WDR25: variants seen among roughly 807,000 people sequenced by gnomAD.
The protein encoded by WDR25 is WD repeat-containing protein 25.
In WDR25, 35 loss-of-function variants were observed where a neutral mutation model predicts 47.7. The observed-to-expected ratio is 0.73, with a 90% CI of 0.56 to 0.97. The LOEUF (loss-of-function observed/expected upper bound fraction) is 0.97, where lower values mean the gene tolerates loss of function less well. Ranked by LOEUF, WDR25 falls within the 50% of genes least tolerant of loss-of-function variation. WDR25 has a pLI of 0.00. For missense variants in WDR25, 634 were observed against 704.7 expected, an observed-to-expected ratio of 0.90 and a Z score of 1.14; for synonymous variants, 248 against 278.9, an observed-to-expected ratio of 0.89 and a Z score of 1.10.
At chr14:100,496,219 C>A (rs773373071) in intron 4 of WDR25, among the ~76,000 whole-genome samples, 14 of 152,214 alleles carry the variant, frequency 9.2e-5, no homozygotes, top group Non-Finnish European at 1.8e-4. Context: ...TATATGTCTT[C>A]ATGAGTGAGA....
intron 4 of WDR25, among the ~76,000 whole-genome samples, chr14:100,492,598 T>C (rs1269540039): frequency 6.6e-6 from 1 of 152,266 alleles, no homozygotes; most frequent in Non-Finnish European, 1.5e-5. Flanking sequence ...TTCTAATTTA[T>C]AAATCTTCTA....
At chr14:100,415,361 G>A (rs184224741) in intron 2 of WDR25, among the ~76,000 whole-genome samples, 4 of 152,256 alleles carry the variant, frequency 2.6e-5, no homozygotes, top group African/African-American at 9.6e-5. Context: ...TATGTGTATG[G>A]GAGGTACGTA....
intron 3 of WDR25, among the ~76,000 whole-genome samples, chr14:100,478,177 A>T (rs1900082064): frequency 6.6e-6 from 1 of 152,254 alleles, no homozygotes; most frequent in Admixed American, 6.5e-5. Context: ...TTGTGAATTC[A>T]ATAATTTGGG....
In WDR25 at chr14:100,459,939, T is replaced by TATACAC. The variant is rs1491515673; in HGVS notation, c.823-8081_823-8080insTACACA. Among the ~76,000 whole-genome samples the TATACAC allele has an allele frequency of 4.7e-5, 4 of 84,896 alleles. No individual in the cohort carries two copies. The East Asian group carries it at 8.7e-4, about 18-fold the overall frequency. The allele number at this position is 84,896 out of a possible 152,430, so 55.7% of individuals were successfully genotyped here. ...ATATATATATATATATATATATATA[T>TATACAC]ACACATACACATACACACACATATA... is the stretch of plus-strand genomic sequence containing the variant. On this transcript the variant is annotated intron_variant, in intron 2 of 6. Coordinates refer to ENST00000402312, the MANE Select transcript of WDR25 (RefSeq NM_001161476.3).
chr14:100,466,944 C>T (rs1899650574), intron 2 of WDR25, among the ~76,000 whole-genome samples: 2 of 152,208 alleles, frequency 1.3e-5, no homozygotes, highest in South Asian at 4.1e-4. Flanking sequence ...GCTGGGAGAG[C>T]TGGTGGAAAG....
chr14:100,418,978 G>C (rs1377518892), intron 2 of WDR25, among the ~76,000 whole-genome samples: 1 of 152,118 alleles, frequency 6.6e-6, no homozygotes, highest in Non-Finnish European at 1.5e-5. Context: ...CTAGCACTTT[G>C]GGAGTCCAAG....
rs578036365 is a variant in WDR25, at chr14:100,398,790, A to G, written c.822+17044A>G. Among the ~76,000 whole-genome samples, 7 of 150,058 alleles carry G rather than the reference A, an allele frequency of 4.7e-5. No homozygotes were observed. In the South Asian group the frequency reaches 1.5e-3, roughly 32 times the overall value. ...TTTTTTGGGGGGTGGACTGGGCAGT[A>G]AGGAATGGACTGGAGCTTGTCCTGG... On this transcript the variant is annotated intron_variant, in intron 2 of 6. Coordinates refer to ENST00000402312, the MANE Select transcript of WDR25 (RefSeq NM_001161476.3).
Position 100,468,556 on chromosome 14 carries a change from T to C in WDR25, c.970+388T>C, listed in dbSNP as rs1186145664. On this transcript the variant is annotated intron_variant, in intron 3 of 6. Transcript: ENST00000402312. This position sits in a 1 kb window ranked among gnomAD's most constrained non-coding sequence, Gnocchi z 4.5. ...TCAATTCATTATCGTTGAAAGTCTG[T>C]GAGAAATGATTCCAGCTCATAAGGA... 6.6e-6 allele frequency among the ~76,000 whole-genome samples: 1 copy of C among 152,224 alleles called. No homozygotes were observed. The highest frequency in any genetic ancestry group is 1.5e-5 in the Non-Finnish European group (1 of 68,036).
At chr14:100,403,344 C>T (rs953376567) in intron 2 of WDR25, among the ~76,000 whole-genome samples, 22 of 152,162 alleles carry the variant, frequency 1.4e-4, no homozygotes, top group African/African-American at 4.8e-4. Flanking sequence ...GCTGCCTTTC[C>T]AACCAAAGCA....
At chr14:100,504,442 C>T (rs1901045523) in intron 4 of WDR25, 13 of 152,180 alleles carry the variant, frequency 8.5e-5, no homozygotes, top group Admixed American at 8.5e-4. Flanking sequence ...TAATTTAACA[C>T]ATTCCTCTGT....
At chr14:100,416,400 G>T (rs1034598208) in intron 2 of WDR25, among the ~76,000 whole-genome samples, 2 of 152,116 alleles carry the variant, frequency 1.3e-5, no homozygotes, top group Admixed American at 6.5e-5. Context: ...TACAATACAG[G>T]TTGCAGCCCA....
chr14:100,442,193 A>G (rs1464306992), intron 2 of WDR25, among the ~76,000 whole-genome samples: 3 of 152,108 alleles, frequency 2.0e-5, no homozygotes, highest in Admixed American at 1.3e-4. Flanking sequence ...TCCTGGATGG[A>G]CTGATGAATT....
chr14:100,445,432 A>G (rs999096104), intron 2 of WDR25, among the ~76,000 whole-genome samples: 7 of 148,722 alleles, frequency 4.7e-5, no homozygotes, highest in African/African-American at 1.0e-4. Context: ...TTTACTCCAC[A>G]ACTTCCAAAA....
rs989694951 is a variant in WDR25, at chr14:100,449,058, G to C, written c.823-18963G>C. Reference sequence around the variant, plus strand: ...AGATGAGGCTGGGCAGGTGAGTGGGGCCTCCGGAGTCAGCCACTGACTTTC... The same window carrying C: ...AGATGAGGCTGGGCAGGTGAGTGGGCCCTCCGGAGTCAGCCACTGACTTTC... On this transcript the variant is annotated intron_variant, in intron 2 of 6. Transcript: ENST00000402312. This position sits in a 1 kb window ranked among gnomAD's most constrained non-coding sequence, Gnocchi z 4.2. Among the ~76,000 whole-genome samples the C allele has an allele frequency of 2.6e-5, 4 of 152,246 alleles. No individual in the cohort carries two copies. The highest frequency in any genetic ancestry group is 5.9e-5 in the Non-Finnish European group (4 of 68,012).
rs1380049125 is a variant in WDR25, at chr14:100,498,849, G to A, written c.1101+14725G>A. Among the ~76,000 whole-genome samples, 1 of 152,216 alleles carries A rather than the reference G, an allele frequency of 6.6e-6. No individual in the cohort carries two copies. Among genetic ancestry groups the A allele is most frequent in the Non-Finnish European group, 1.5e-5 (1 of 68,044 alleles). On this transcript the variant is annotated intron_variant, in intron 4 of 6. Transcript: ENST00000402312. This position sits in a 1 kb window ranked among gnomAD's most constrained non-coding sequence, Gnocchi z 4.2. ...GTATCTTTCTCTAATAGGAACCAAGGTGCCATGCGGGCCAGTGGCAGCCCT... is the reference window on the plus strand; with the variant it reads ...GTATCTTTCTCTAATAGGAACCAAGATGCCATGCGGGCCAGTGGCAGCCCT...
At chr14:100,473,477 T>G (rs1899913421) in intron 3 of WDR25, among the ~76,000 whole-genome samples, 1 of 152,146 alleles carries the variant, frequency 6.6e-6, no homozygotes, top group Non-Finnish European at 1.5e-5. Context: ...TTAACCTGAC[T>G]CCTGGGGAGC....
chr14:100,383,600 G>C (rs1387603463), intron 2 of WDR25, among the ~76,000 whole-genome samples: 1 of 152,256 alleles, frequency 6.6e-6, no homozygotes, highest in Non-Finnish European at 1.5e-5. Context: ...CCTTCGCCTG[G>C]TGGCGTGAAG....
rs930969965 is a variant in WDR25, at chr14:100,522,229, AT to A, written c.1102-3632del. Among the ~76,000 whole-genome samples, 293 of 151,034 alleles carry A rather than the reference AT, an allele frequency of 1.9e-3. 3 individuals carry two copies. Among genetic ancestry groups the A allele is most frequent in the Middle Eastern group, 6.8e-3 (2 of 292 alleles). ...TGCTTGCTTTCTGCCATCCCAAAGT[AT>A]TTTTTTTTAATTATTATTGTTTTTA... On this transcript the variant is annotated intron_variant, in intron 4 of 6. Coordinates refer to ENST00000402312, the MANE Select transcript of WDR25 (RefSeq NM_001161476.3).
intron 1 of WDR25, 28 bp downstream of exon 1, chr14:100,376,523 G>T: frequency 8.1e-7 from 1 of 1,231,976 alleles, no homozygotes; most frequent in Non-Finnish European, 1.0e-6. Flanking sequence ...CGGGCCCCGG[G>T]CTGGAGGGGC....
Sources: gnomAD v4.1 joint callset for allele counts (sites outside exome capture counted in the v4.1 genomes callset) on GRCh38, gnomAD v4.1.1 for gene constraint, Gnocchi (gnomAD v3.1) non-coding constraint, MANE v1.5 for transcripts, NCBI Gene and HGNC (gene_info 2026-07-23, HGNC 2026-07-21) for gene names.